ANLN: variants seen among roughly 807,000 people sequenced by gnomAD.
ANLN encodes the protein anillin.
A neutral mutation model predicts 135.1 loss-of-function variants in ANLN; 59 were observed. The ratio of observed to expected loss-of-function variants is 0.44; its 90% CI spans 0.35 to 0.54. The LOEUF is 0.54. Among genes scored for constraint, ANLN ranks in the 20% least tolerant of loss-of-function variants. The pLI is 0.00. For synonymous variants in ANLN, 406 were observed against 456.4 expected (o/e 0.89, Z 1.41); for missense variants, 1,182 against 1,340.0 (o/e 0.88, Z 1.84).
intron 3 of ANLN, 92 bp from the exon 4 acceptor site, chr7:36,406,089 C>T (rs550048111): frequency 8.0e-6 from 10 of 1,243,444 alleles, no homozygotes; most frequent in African/African-American, 7.4e-5. Context: ...CTATTAATCT[C>T]ATTTAAAAAT....
At chr7:36,434,445 T>G (rs1788444105) in intron 20 of ANLN, among the ~76,000 whole-genome samples, 2 of 152,216 alleles carry the variant, frequency 1.3e-5, no homozygotes, top group Admixed American at 6.5e-5. Flanking sequence ...CAGCCTGGGC[T>G]CAACCATTGA....
At chr7:36,451,228 A>G (rs1178816659) in intron 23 of ANLN, among the ~76,000 whole-genome samples, 1 of 152,134 alleles carries the variant, frequency 6.6e-6, no homozygotes, top group Non-Finnish European at 1.5e-5. Context: ...TAGGCCTTTT[A>G]CTTGAATTTA....
chr7:36,419,178 T>G (rs1787768267), intron 9 of ANLN, 66 bp from the exon 10 acceptor site: 1 of 1,170,468 alleles, frequency 8.5e-7, no homozygotes, highest in African/African-American at 1.6e-5. Flanking sequence ...TATTAAATTT[T>G]CTTTGTTATG....
At chr7:36,443,929 G>A in intron 22 of ANLN, 67 bp downstream of exon 22, 3 of 1,082,576 alleles carry the variant, frequency 2.8e-6, no homozygotes, top group Non-Finnish European at 4.1e-6. Flanking sequence ...TCATGCAAAT[G>A]TTCCCTCTGG....
At chr7:36,429,900 C>T (rs1788244140) in intron 20 of ANLN, among the ~76,000 whole-genome samples, 1 of 152,080 alleles carries the variant, frequency 6.6e-6, no homozygotes, top group Admixed American at 6.5e-5. Flanking sequence ...ACTTAAATAG[C>T]CAACCACATG....
At chr7:36,434,040 C>G (rs1788429480) in intron 20 of ANLN, among the ~76,000 whole-genome samples, 1 of 152,076 alleles carries the variant, frequency 6.6e-6, no homozygotes, top group African/African-American at 2.4e-5. Flanking sequence ...TTGATAAGCT[C>G]CGTGTTTTCC....
chr7:36,442,943 T>G (rs1788836279), intron 21 of ANLN, among the ~76,000 whole-genome samples: 1 of 51,132 alleles, frequency 2.0e-5, no homozygotes, highest in Non-Finnish European at 5.2e-5. Flanking sequence ...TTGTTTGTTG[T>G]TTTTTTTTTT....
chr7:36,439,927 C>A (rs1403057226), intron 21 of ANLN, among the ~76,000 whole-genome samples: 1 of 152,132 alleles, frequency 6.6e-6, no homozygotes, highest in Non-Finnish European at 1.5e-5. Flanking sequence ...CAGCGAGTTA[C>A]TCTTACAGGA....
At position 36,424,543 on chromosome 7, in the gene ANLN, AG is replaced by A; in HGVS notation, c.2604del. On this transcript the variant is annotated splice_acceptor_variant, in intron 15 of 23. Transcript: ENST00000265748. LOFTEE classifies it high-confidence loss of function. The stretch of plus-strand genomic sequence containing the variant: ...GTTTTACTTAATGCTTTATTTTTCC[AG>A]GCAAGATGTATCCAATGACTTTGAA... 6.3e-7 allele frequency: 1 copy of A among 1,591,584 alleles called. No individual in the cohort carries two copies. The highest frequency in any genetic ancestry group is 8.6e-7 in the Non-Finnish European group (1 of 1,167,938).
At chr7:36,420,546 G>C in intron 11 of ANLN, 51 bp from the exon 12 acceptor site, 1 of 1,478,120 alleles carries the variant, frequency 6.8e-7, no homozygotes, top group Non-Finnish European at 9.4e-7. Context: ...ATAAAGGATA[G>C]TGCTCAGTGT....
chr7:36,421,506 C>A (rs1045087853), intron 12 of ANLN, among the ~76,000 whole-genome samples: 1 of 152,008 alleles, frequency 6.6e-6, no homozygotes, highest in African/African-American at 2.4e-5. Context: ...GTGTGAGCCA[C>A]CATGCCTGGC....
At chr7:36,436,722 A>G (rs1412964993) in intron 20 of ANLN, among the ~76,000 whole-genome samples, 12 of 152,336 alleles carry the variant, frequency 7.9e-5, no homozygotes, top group African/African-American at 2.6e-4. Flanking sequence ...TGTTGATGTT[A>G]AATGTCTTTT....
intron 20 of ANLN, among the ~76,000 whole-genome samples, chr7:36,430,958 C>T (rs751017304): frequency 4.6e-5 from 7 of 152,140 alleles, no homozygotes; most frequent in East Asian, 3.9e-4. Flanking sequence ...GTAAACTTGA[C>T]GTTTTTGTGA....
intron 1 of ANLN, among the ~76,000 whole-genome samples, chr7:36,392,382 A>G (rs1007121696): frequency 1.3e-5 from 2 of 151,790 alleles, no homozygotes; most frequent in African/African-American, 4.9e-5. Context: ...AATTAGTAAA[A>G]TCTCCTAGAA....
intron 20 of ANLN, among the ~76,000 whole-genome samples, chr7:36,437,589 A>T (rs1788596932): frequency 1.4e-5 from 2 of 146,652 alleles, no homozygotes; most frequent in South Asian, 2.2e-4. Flanking sequence ...TTATTTTTTC[A>T]TTTTTTTTTT....
chr7:36,415,989 T>G, intron 8 of ANLN, 105 bp downstream of exon 8: 1 of 989,546 alleles, frequency 1.0e-6, no homozygotes, highest in Non-Finnish European at 1.5e-6. Flanking sequence ...GTTCTAACGT[T>G]TTTTGGGGGG....
chr7:36,435,655 C>T (rs541971771), intron 20 of ANLN, among the ~76,000 whole-genome samples: 122 of 151,790 alleles, frequency 8.0e-4, no homozygotes, highest in Admixed American at 4.1e-3. Flanking sequence ...GGGCGGATCA[C>T]GAGGTCAGGA....
intron 2 of ANLN, among the ~76,000 whole-genome samples, chr7:36,397,275 A>G (rs1240801560): frequency 6.6e-6 from 1 of 152,218 alleles, no homozygotes; most frequent in African/African-American, 2.4e-5. Context: ...AAGGAAATAC[A>G]TTACATATTA....
chr7:36,396,514 C>A, intron 2 of ANLN, 95 bp downstream of exon 2: 1 of 1,260,838 alleles, frequency 7.9e-7, no homozygotes, highest in Non-Finnish European at 1.1e-6. Context: ...AAGAACCAAG[C>A]TCTTTGGGAG....
Sources: gnomAD v4.1 joint callset for allele counts (sites outside exome capture counted in the v4.1 genomes callset) on GRCh38, gnomAD v4.1.1 for gene constraint, MANE v1.5 for transcripts, NCBI Gene and HGNC (gene_info 2026-07-23, HGNC 2026-07-21) for gene names.